Variants in CDH13 observed in about 807,000 individuals in gnomAD.
CDH13 encodes the protein cadherin-13.
Under a neutral mutation model 63.8 loss-of-function variants are expected in CDH13, and 24 were observed. The ratio of observed to expected loss-of-function variants is 0.38; its 90% CI spans 0.27 to 0.53. CDH13 has a LOEUF of 0.53. CDH13 is among the 20% of genes least tolerant of loss of function. The pLI, the probability that CDH13 is intolerant of heterozygous loss-of-function variation, is 0.85. For missense variants in CDH13, 1,049 were observed against 903.1 expected (o/e 1.16, Z -2.07); for synonymous variants, 503 against 355.3 (o/e 1.42, Z -4.67).
chr16:83,001,487 A>G (rs751673427), intron 2 of CDH13, among the ~76,000 whole-genome samples: 3 of 152,254 alleles, frequency 2.0e-5, no homozygotes, highest in Non-Finnish European at 4.4e-5. Context: ...TGCTCACATG[A>G]AAACAGAGCT....
chr16:83,017,325 CT>C (rs1914905241), intron 2 of CDH13, among the ~76,000 whole-genome samples: 1 of 151,898 alleles, frequency 6.6e-6, no homozygotes, highest in Non-Finnish European at 1.5e-5. Context: ...ATTTTGACAC[CT>C]TTTTTAGCTC....
intron 1 of CDH13, among the ~76,000 whole-genome samples, chr16:82,659,044 C>G (rs147441522): frequency 1.5e-3 from 233 of 152,296 alleles, no homozygotes; most frequent in African/African-American, 5.5e-3. Context: ...AAGCTGTGAG[C>G]AGGGAGGCCA....
intron 5 of CDH13, among the ~76,000 whole-genome samples, chr16:83,298,969 T>G (rs1202551107): frequency 6.6e-6 from 1 of 152,234 alleles, no homozygotes; most frequent in Non-Finnish European, 1.5e-5. Context: ...AAGTAATGCA[T>G]GCTTGTTTTA....
chr16:83,737,984 TGTATATGAATACATACATC>T (rs1911697145), intron 10 of CDH13, among the ~76,000 whole-genome samples: 1 of 152,244 alleles, frequency 6.6e-6, no homozygotes, highest in Non-Finnish European at 1.5e-5. Flanking sequence ...CAGACAGTAA[TGTATATGAATACATACATC>T]GTACGCCACC....
chr16:83,276,908 A>G (rs1157436017), intron 5 of CDH13, among the ~76,000 whole-genome samples: 1 of 152,168 alleles, frequency 6.6e-6, no homozygotes, highest in Admixed American at 6.5e-5. Flanking sequence ...TCTTACGTAG[A>G]TGTTGGCAGG....
chr16:83,362,562 C>G (rs1460108531), intron 6 of CDH13, among the ~76,000 whole-genome samples: 3 of 152,194 alleles, frequency 2.0e-5, no homozygotes, highest in Non-Finnish European at 2.9e-5. Context: ...CATTCCATCC[C>G]CCCAGTGAGA....
At chr16:82,649,066 T>G (rs1335158150) in intron 1 of CDH13, among the ~76,000 whole-genome samples, 1 of 145,792 alleles carries the variant, frequency 6.9e-6, no homozygotes, top group Non-Finnish European at 1.5e-5. Flanking sequence ...AAATAAGCAA[T>G]GGAACTAATA....
At chr16:82,704,974 C>G (rs2031365800) in intron 1 of CDH13, 1 of 356,588 alleles carries the variant, frequency 2.8e-6, no homozygotes, top group Non-Finnish European at 5.5e-6. Flanking sequence ...GAGACAATGT[C>G]TCTTGCTGCT....
intron 2 of CDH13, among the ~76,000 whole-genome samples, chr16:82,955,445 C>T (rs1019595103): frequency 4.6e-5 from 7 of 152,124 alleles, no homozygotes; most frequent in Non-Finnish European, 5.9e-5. Flanking sequence ...CATAATTATC[C>T]ATTTAGTTTA....
chr16:83,031,472 G>A (rs1235289363), intron 2 of CDH13, among the ~76,000 whole-genome samples: 1 of 150,460 alleles, frequency 6.6e-6, no homozygotes, highest in African/African-American at 2.4e-5. Flanking sequence ...GTATATACAT[G>A]TACATGTATA....
intron 2 of CDH13, among the ~76,000 whole-genome samples, chr16:82,873,477 G>C (rs2040409276): frequency 1.3e-5 from 2 of 152,136 alleles, no homozygotes; most frequent in South Asian, 4.1e-4. Flanking sequence ...TCTGAGAACA[G>C]ACTGGGGTGT....
At chr16:82,742,008 A>G (rs972410276) in intron 1 of CDH13, among the ~76,000 whole-genome samples, 1 of 152,214 alleles carries the variant, frequency 6.6e-6, no homozygotes, top group African/African-American at 2.4e-5. Flanking sequence ...TTATAGTAGG[A>G]AAAAATTGAA....
intron 4 of CDH13, among the ~76,000 whole-genome samples, chr16:83,148,079 A>G (rs1347746901): frequency 6.6e-6 from 1 of 152,186 alleles, no homozygotes; most frequent in East Asian, 1.9e-4. Flanking sequence ...CTGGGATTAC[A>G]GGCGTGCGCC....
At chr16:83,242,276 A>G (rs1022939809) in intron 5 of CDH13, among the ~76,000 whole-genome samples, 4 of 152,228 alleles carry the variant, frequency 2.6e-5, no homozygotes, top group African/African-American at 9.6e-5. Context: ...CTCCAGGACT[A>G]AGAGATTTTG....
chr16:83,374,137 G>A (rs999103384), intron 6 of CDH13, among the ~76,000 whole-genome samples: 11 of 152,192 alleles, frequency 7.2e-5, no homozygotes, highest in Admixed American at 2.0e-4. Context: ...GTTCCATAAA[G>A]CAAAGACTGG....
chr16:83,099,252 A>C (rs978541021), intron 3 of CDH13, among the ~76,000 whole-genome samples: 1 of 152,194 alleles, frequency 6.6e-6, no homozygotes, highest in Non-Finnish European at 1.5e-5. Context: ...AATGTTAACT[A>C]TTACATAAAT....
At chr16:83,290,124 T>A (rs932743535) in intron 5 of CDH13, among the ~76,000 whole-genome samples, 1 of 152,342 alleles carries the variant, frequency 6.6e-6, no homozygotes, top group Non-Finnish European at 1.5e-5. Flanking sequence ...GTTAGTCAGA[T>A]GCATGTTGTT....
intron 7 of CDH13, among the ~76,000 whole-genome samples, chr16:83,583,620 T>G (rs1905846020): frequency 6.6e-6 from 1 of 152,220 alleles, no homozygotes; most frequent in Non-Finnish European, 1.5e-5. Context: ...TGTGTGGGCA[T>G]CAAAGAGTGT....
chr16:83,683,045 C>T (rs1324271247), intron 10 of CDH13, among the ~76,000 whole-genome samples: 1 of 152,200 alleles, frequency 6.6e-6, no homozygotes. Context: ...CTCGGCTGAC[C>T]GCGGCCAGAC....
Sources: gnomAD v4.1 joint callset for allele counts (sites outside exome capture counted in the v4.1 genomes callset) on GRCh38, gnomAD v4.1.1 for gene constraint, MANE v1.5 for transcripts, NCBI Gene and HGNC (gene_info 2026-07-23, HGNC 2026-07-21) for gene names.